ZDHHC17: variants seen among roughly 807,000 people sequenced by gnomAD.
The protein encoded by ZDHHC17 is palmitoyltransferase ZDHHC17.
In ZDHHC17, 40 loss-of-function variants were observed where a neutral mutation model predicts 90.3. The observed-to-expected ratio is 0.44, with a 90% CI of 0.34 to 0.58. The LOEUF is 0.58. Ranked by LOEUF, ZDHHC17 falls within the 20% of genes least tolerant of loss-of-function variation. The pLI, the probability that ZDHHC17 is intolerant of heterozygous loss-of-function variation, is 0.01. For synonymous variants in ZDHHC17, 235 were observed against 252.4 expected (o/e 0.93, Z 0.65); for missense variants, 614 against 780.8 (o/e 0.79, Z 2.55).
At chr12:76,797,651 T>A in intron 2 of ZDHHC17, 114 bp downstream of exon 2, 4 of 792,016 alleles carry the variant, frequency 5.1e-6, no homozygotes, top group Non-Finnish European at 7.3e-6. Flanking sequence ...AATTAAAAAA[T>A]TAGTTTATGG....
intron 8 of ZDHHC17, among the ~76,000 whole-genome samples, chr12:76,823,850 A>G (rs769907917): frequency 2.2e-4 from 34 of 152,108 alleles, no homozygotes; most frequent in Non-Finnish European, 4.6e-4. Flanking sequence ...CTAATGAACA[A>G]TTTTTGCATG....
intron 10 of ZDHHC17, among the ~76,000 whole-genome samples, chr12:76,832,539 C>T (rs1391441837): frequency 6.6e-6 from 1 of 152,196 alleles, no homozygotes; most frequent in Non-Finnish European, 1.5e-5. Flanking sequence ...ATCAGTTGAT[C>T]ACTACATAAC....
chr12:76,841,370 T>G (rs951636888), intron 10 of ZDHHC17, among the ~76,000 whole-genome samples: 1 of 152,216 alleles, frequency 6.6e-6, no homozygotes, highest in Non-Finnish European at 1.5e-5. Flanking sequence ...GTCTCAGAAA[T>G]GTATTGCTCT....
chr12:76,806,394 T>G (rs1250750259), intron 3 of ZDHHC17, among the ~76,000 whole-genome samples: 1 of 152,168 alleles, frequency 6.6e-6, no homozygotes, highest in African/African-American at 2.4e-5. Context: ...TTCTCCTGCC[T>G]CAGCCTCCCG....
intron 1 of ZDHHC17, among the ~76,000 whole-genome samples, chr12:76,772,170 C>A (rs1952500029): frequency 6.6e-6 from 1 of 152,152 alleles, no homozygotes; most frequent in Admixed American, 6.5e-5. Context: ...AAGTAGTAAT[C>A]CAGGTTGCCT....
At chr12:76,776,908 C>T (rs1397558072) in intron 1 of ZDHHC17, among the ~76,000 whole-genome samples, 2 of 152,124 alleles carry the variant, frequency 1.3e-5, no homozygotes, top group African/African-American at 4.8e-5. Context: ...AAATTGTGCA[C>T]ATTTTAAATG....
chr12:76,816,680 A>G (rs772654400), intron 7 of ZDHHC17, among the ~76,000 whole-genome samples: 4 of 152,030 alleles, frequency 2.6e-5, no homozygotes, highest in Non-Finnish European at 5.9e-5. Flanking sequence ...AAAGTAGGTT[A>G]TCTCCTGCTG....
At position 76,809,859 on chromosome 12, in the gene ZDHHC17, TAAA is replaced by T. The variant is rs137909589; in HGVS notation, c.543+8_543+10del. ...GCTTATCTCATAGCAAAAGGACAGGTAAAAAAAATCTCAGTGGTATGGATTTTA... is the reference window on the plus strand; with the variant it reads ...GCTTATCTCATAGCAAAAGGACAGGTAAAAATCTCAGTGGTATGGATTTTA... On this transcript the variant is annotated splice_donor_5th_base_variant and intron_variant, in intron 5 of 16. Transcript: ENST00000426126. The T allele has an allele frequency of 3.7e-6, 6 of 1,608,376 alleles. No homozygotes were observed. The highest frequency in any genetic ancestry group is 3.3e-5 in the South Asian group (3 of 90,154).
At chr12:76,774,974 C>T (rs903597683) in intron 1 of ZDHHC17, among the ~76,000 whole-genome samples, 2 of 152,286 alleles carry the variant, frequency 1.3e-5, no homozygotes, top group Non-Finnish European at 2.9e-5. Flanking sequence ...TGCAAGTGCA[C>T]ACCACCATGC....
chr12:76,833,702 G>A (rs1051145989), intron 10 of ZDHHC17, among the ~76,000 whole-genome samples: 2 of 152,218 alleles, frequency 1.3e-5, no homozygotes, highest in African/African-American at 4.8e-5. Context: ...TGAGGCAGGA[G>A]AATGGCATGA....
At chr12:76,765,458 A>ATT (rs1952420289) in intron 1 of ZDHHC17, among the ~76,000 whole-genome samples, 1 of 152,234 alleles carries the variant, frequency 6.6e-6, no homozygotes, top group African/African-American at 2.4e-5. Flanking sequence ...CTCAGTAGAA[A>ATT]AGGCTACTCT....
In ZDHHC17 at chr12:76,853,582, C is replaced by T. The variant is rs190577594; in HGVS notation, c.*2597C>T. 6.6e-6 allele frequency: 1 copy of T among 151,876 alleles called. No homozygotes were observed. The highest frequency in any genetic ancestry group is 1.5e-5 in the Non-Finnish European group (1 of 67,752). The allele number at this position is 151,876 out of a possible 1,614,324, so 9.4% of individuals were successfully genotyped here. On this transcript the variant is annotated 3_prime_UTR_variant, in exon 17 of 17. Coordinates refer to ENST00000426126, the MANE Select transcript of ZDHHC17 (RefSeq NM_015336.4). ...TGCCAAGTATTATTTTGCTACTTACCGTGTTATTCTGTGGAAAGAAAAACC... is the reference window on the plus strand; with the variant it reads ...TGCCAAGTATTATTTTGCTACTTACTGTGTTATTCTGTGGAAAGAAAAACC...
rs1162457660 is a variant in ZDHHC17 at position 76,851,638 on chromosome 12, T to C, written c.*653T>C. On this transcript the variant is annotated 3_prime_UTR_variant, in exon 17 of 17. Coordinates refer to ENST00000426126, the MANE Select transcript of ZDHHC17 (RefSeq NM_015336.4). ...GAAATAATTTGTAGTAACCTTACTC[T>C]GAGGTTTTACGGTCTGATAATGAAG... The C allele has an allele frequency of 6.5e-6, 1 of 152,730 alleles. No homozygotes were observed. Among genetic ancestry groups the C allele is most frequent in the African/African-American group, 2.4e-5 (1 of 41,464 alleles). 9.5% of individuals were successfully genotyped at this position (152,730 alleles called of 1,614,324 possible).
Position 76,851,127 on chromosome 12 carries a change from T to A in ZDHHC17, c.*142T>A. On this transcript the variant is annotated 3_prime_UTR_variant, in exon 17 of 17. Transcript: ENST00000426126. ...AATGGTGAATTTTACAGTCTTTTTT[T>A]CAACACTTTTATTAACAAAAGTAAA... The A allele has an allele frequency of 1.0e-6, 1 of 974,062 alleles. No homozygotes were observed. The highest frequency in any genetic ancestry group is 1.5e-6 in the Non-Finnish European group (1 of 681,490). The allele number at this position is 974,062 out of a possible 1,614,324, so 60.3% of individuals were successfully genotyped here. A position where few individuals can be genotyped will look rare whatever the true frequency, so the allele number is the denominator to read the frequency against.
chr12:76,822,574 G>C, intron 8 of ZDHHC17, 43 bp downstream of exon 8: 2 of 1,262,494 alleles, frequency 1.6e-6, no homozygotes, highest in Non-Finnish European at 2.2e-6. Flanking sequence ...TTTTTTTTGA[G>C]ACGGAGTTTC....
intron 10 of ZDHHC17, among the ~76,000 whole-genome samples, chr12:76,829,132 G>C (rs1358393945): frequency 6.6e-6 from 1 of 152,132 alleles, no homozygotes; most frequent in Non-Finnish European, 1.5e-5. Flanking sequence ...AACCTCTATG[G>C]AAAACAGTAT....
intron 1 of ZDHHC17, among the ~76,000 whole-genome samples, chr12:76,770,532 G>A (rs1320109516): frequency 6.6e-6 from 1 of 152,204 alleles, no homozygotes; most frequent in African/African-American, 2.4e-5. Flanking sequence ...GGGAGAGTGT[G>A]TCTGTGTGTA....
chr12:76,821,800 A>C (rs1953165210), intron 7 of ZDHHC17, among the ~76,000 whole-genome samples: 1 of 152,124 alleles, frequency 6.6e-6, no homozygotes. Context: ...ATTCCCTGGC[A>C]TTCTTTTTCT....
At chr12:76,786,142 A>G (rs1392095794) in intron 1 of ZDHHC17, among the ~76,000 whole-genome samples, 3 of 147,488 alleles carry the variant, frequency 2.0e-5, no homozygotes, top group Non-Finnish European at 4.5e-5. Context: ...TTTTAAAGAG[A>G]TGGGATCTTG....
Sources: gnomAD v4.1 joint callset for allele counts (sites outside exome capture counted in the v4.1 genomes callset) on GRCh38, gnomAD v4.1.1 for gene constraint, MANE v1.5 for transcripts, NCBI Gene and HGNC (gene_info 2026-07-23, HGNC 2026-07-21) for gene names.